HOXA3: variants seen among roughly 807,000 people sequenced by gnomAD.
HOXA3 encodes the protein homeobox A3, also known as homeobox protein Hox-A3.
HOXA3 carries 8 observed loss-of-function variants against 30.3 expected under a neutral mutation model. The observed-to-expected ratio is 0.26, with a 90% CI of 0.15 to 0.48. The LOEUF is 0.48. Among genes scored for constraint, HOXA3 ranks in the 20% least tolerant of loss-of-function variants. The probability of loss-of-function intolerance (pLI) is 0.99; values close to 1 mark genes in which losing one functional copy is unlikely to be tolerated. For missense variants in HOXA3, 653 were observed against 614.4 expected (o/e 1.06, Z -0.66); for synonymous variants, 323 against 273.1 (o/e 1.18, Z -1.80).
At chr7:27,138,548 A>C (rs777828663) in intron 2 of HOXA3, among the ~76,000 whole-genome samples, 16 of 152,178 alleles carry the variant, frequency 1.1e-4, no homozygotes, top group Non-Finnish European at 1.9e-4. Context: ...CTTAATTCCT[A>C]AAATAGGATT....
At position 27,152,429 on chromosome 7, in the gene HOXA3, G is replaced by C. The variant is rs1181470504; in HGVS notation, c.-635C>G. 2.6e-6 allele frequency: 3 copies of C among 1,152,568 alleles called. No homozygotes were observed. The highest frequency in any genetic ancestry group is 1.5e-4 in the East Asian group (2 of 13,308). The allele number at this position is 1,152,568 out of a possible 1,614,324, so 71.4% of individuals were successfully genotyped here. ...CGAGTTGCAAAGCTGCTGCCGCGGC[G>C]CCGGGAACGGAGCGCGCCCAATCTC... On this transcript the variant is annotated 5_prime_UTR_variant, in exon 1 of 6. Coordinates refer to ENST00000612286, the MANE Select transcript of HOXA3 (RefSeq NM_153631.3).
rs1420948566 is a variant in HOXA3 at position 27,114,741 on chromosome 7, T to TCACACACACACACACA, written c.-120-3982_-120-3981insTGTGTGTGTGTGTGTG. Reference sequence around the variant, plus strand: ...GCTCTGACCCCAAGAGAAACCGACATCATACACACACACACACACACACAC... The same window carrying TCACACACACACACACA: ...GCTCTGACCCCAAGAGAAACCGACATCACACACACACACACACATACACACACACACACACACACAC... On this transcript the variant is annotated intron_variant, in intron 4 of 5. Coordinates refer to ENST00000612286, the MANE Select transcript of HOXA3 (RefSeq NM_153631.3). 7.3e-3 allele frequency among the ~76,000 whole-genome samples: 61 copies of TCACACACACACACACA among 8,342 alleles called. 2 individuals are homozygous for TCACACACACACACACA. In the East Asian group the frequency reaches 0.18, roughly 24 times the overall value. The allele number at this position is 8,342 out of a possible 152,430, so 5.5% of individuals were successfully genotyped here. A position where few individuals can be genotyped will look rare whatever the true frequency, so the allele number is the denominator to read the frequency against.
At position 27,152,296 on chromosome 7, in the gene HOXA3, G is replaced by C; in HGVS notation, c.-502C>G. 3.1e-6 allele frequency: 4 copies of C among 1,277,076 alleles called. No homozygotes were observed. The highest frequency in any genetic ancestry group is 4.1e-6 in the Non-Finnish European group (4 of 982,416). 79.1% of individuals were successfully genotyped at this position (1,277,076 alleles called of 1,614,324 possible). On this transcript the variant is annotated 5_prime_UTR_variant, in exon 1 of 6. Transcript: ENST00000612286. ...CTCCCCACATGTCTCACCTTCAGAC[G>C]GTGGCTCCCAGAAGCTCCTGCCCCT...
chr7:27,130,842 C>T, intron 2 of HOXA3: 3 of 1,090,268 alleles, frequency 2.8e-6, no homozygotes, highest in Non-Finnish European at 1.4e-6. Context: ...TTCCTCTGCG[C>T]CCTTCCCCTC....
At chr7:27,144,344 G>A (rs1053206355) in intron 1 of HOXA3, among the ~76,000 whole-genome samples, 1 of 152,248 alleles carries the variant, frequency 6.6e-6, no homozygotes, top group African/African-American at 2.4e-5. Context: ...ATGAGGGACA[G>A]TGTCCCTGCC....
Position 27,107,896 on chromosome 7 carries a change from C to A in HOXA3, c.*19G>T. 6.7e-7 allele frequency: 1 copy of A among 1,496,528 alleles called. No individual in the cohort carries two copies. 92.7% of individuals were successfully genotyped at this position (1,496,528 alleles called of 1,614,324 possible). On this transcript the variant is annotated 3_prime_UTR_variant, in exon 6 of 6. Transcript: ENST00000612286. ...TGGGTGGGGGGAGACTCTCCTGGCG[C>A]GTAGCCCCAAGCCCACTATCACAGG...
At chr7:27,142,734 GC>G (rs1336671487) in intron 1 of HOXA3, 2 of 373,164 alleles carry the variant, frequency 5.4e-6, no homozygotes, top group African/African-American at 4.2e-5. Context: ...ACCTCTCTGC[GC>G]CTTGCTCGGC....
At chr7:27,118,325 T>A (rs1378289083) in intron 4 of HOXA3, among the ~76,000 whole-genome samples, 1 of 152,158 alleles carries the variant, frequency 6.6e-6, no homozygotes, top group African/African-American at 2.4e-5. Context: ...CTGTAGAGAA[T>A]CTAGAAAACG....
chr7:27,151,738 T>C (rs1467763245), intron 1 of HOXA3: 2 of 455,854 alleles, frequency 4.4e-6, no homozygotes, highest in Non-Finnish European at 8.8e-6. Flanking sequence ...TCCCACGGAG[T>C]AGAAAGTGCT....
intron 4 of HOXA3, chr7:27,116,267 A>G (rs530128934): frequency 2.6e-5 from 4 of 152,778 alleles, no homozygotes; most frequent in South Asian, 2.1e-4. Context: ...GTGTCTTTCT[A>G]CCATTCAAGG....
chr7:27,111,953 G>T (rs777443626), intron 4 of HOXA3, among the ~76,000 whole-genome samples: 3 of 152,210 alleles, frequency 2.0e-5, no homozygotes, highest in Admixed American at 6.5e-5. Flanking sequence ...ATCTTTGTGT[G>T]CTGTTGTTGT....
chr7:27,139,776 C>G (rs904825065), intron 2 of HOXA3, among the ~76,000 whole-genome samples: 1 of 152,178 alleles, frequency 6.6e-6, no homozygotes, highest in African/African-American at 2.4e-5. Context: ...CACACACAGG[C>G]CCATTCGCAC....
chr7:27,129,890 G>C lies in HOXA3; in HGVS notation c.-389-2820C>G. The C allele has an allele frequency of 4.9e-6, 3 of 610,432 alleles. No individual in the cohort carries two copies. The South Asian group carries it at 5.9e-5, about 12-fold the overall frequency. 37.8% of individuals were successfully genotyped at this position (610,432 alleles called of 1,614,324 possible). ...CTATAATTACTGCCCTAACAGTTTG[G>C]CGTCTCGTAAATCTCCTGATAAAGG... On this transcript the variant is annotated intron_variant, in intron 2 of 5. Transcript: ENST00000612286.
rs1490522537 is a variant in HOXA3, at chr7:27,150,035, G to C, written c.-494+2253C>G. The C allele has an allele frequency of 2.6e-5, 4 of 152,160 alleles. No individual in the cohort carries two copies. In the South Asian group the frequency reaches 6.2e-4, roughly 24 times the overall value. The allele number at this position is 152,160 out of a possible 1,614,324, so 9.4% of individuals were successfully genotyped here. On this transcript the variant is annotated intron_variant, in intron 1 of 5. Transcript: ENST00000612286. ...GCTAACAAGAGAATTTGATTTCTCAGCTAAGAACCAGAAAACATTATATTT... is the reference window on the plus strand; with the variant it reads ...GCTAACAAGAGAATTTGATTTCTCACCTAAGAACCAGAAAACATTATATTT...
intron 4 of HOXA3, among the ~76,000 whole-genome samples, chr7:27,115,062 T>C (rs1443633841): frequency 2.2e-5 from 3 of 136,540 alleles, no homozygotes; most frequent in Non-Finnish European, 3.2e-5. Context: ...AAAAGAGAAA[T>C]GGAGATTTCT....
At chr7:27,144,560 G>T (rs1263485756) in intron 1 of HOXA3, among the ~76,000 whole-genome samples, 1 of 152,180 alleles carries the variant, frequency 6.6e-6, no homozygotes, top group Non-Finnish European at 1.5e-5. Context: ...AGCCAGCCGG[G>T]CCCCAAGTCG....
At chr7:27,113,000 C>T (rs545802303) in intron 4 of HOXA3, among the ~76,000 whole-genome samples, 6 of 152,246 alleles carry the variant, frequency 3.9e-5, no homozygotes, top group Non-Finnish European at 7.4e-5. Context: ...TCCTATTGTT[C>T]GAGGTCAGCA....
At chr7:27,124,208 G>C (rs543101439) in intron 3 of HOXA3, 1 of 152,254 alleles carries the variant, frequency 6.6e-6, no homozygotes, top group Non-Finnish European at 1.5e-5. Context: ...TGCCGCCGCC[G>C]CCGTGGCCTC....
intron 1 of HOXA3, chr7:27,141,973 C>T (rs953303613): frequency 3.7e-6 from 6 of 1,614,262 alleles, no homozygotes; most frequent in South Asian, 1.1e-5. Context: ...CTATTTCAAT[C>T]CTCCTTCTGC....
Sources: allele counts gnomAD v4.1 joint callset (sites outside exome capture counted in the v4.1 genomes callset), GRCh38; gene constraint gnomAD v4.1.1; transcripts MANE v1.5; gene names NCBI Gene and HGNC (gene_info 2026-07-23, HGNC 2026-07-21).